The following GON4L variants were observed in gnomAD, a reference collection of about 807,000 sequenced individuals.
GON4L encodes GON-4-like protein.
A neutral mutation model predicts 211.8 loss-of-function variants in GON4L; 87 were observed. The observed-to-expected ratio is 0.41, with a 90% CI of 0.35 to 0.49. GON4L has a LOEUF of 0.49. Ranked by LOEUF, GON4L falls within the 20% of genes least tolerant of loss-of-function variation. GON4L has a pLI of 0.15. For synonymous variants in GON4L, 875 were observed against 962.6 expected (o/e 0.91, Z 1.68); for missense variants, 2,155 against 2,659.5 (o/e 0.81, Z 4.17).
rs146960270 is a variant in GON4L, at chr1:155,823,582, G to A, written c.698-1106C>T. Among the ~76,000 whole-genome samples, 71 of 152,174 alleles carry A rather than the reference G, an allele frequency of 4.7e-4. No homozygotes were observed. The East Asian group carries it at 0.011, about 24-fold the overall frequency. ...TAGAATATGCAATAAGAAAAATTACGTGTCCATTTTAAAAGCATTTGCCAA... is the reference window on the plus strand; with the variant it reads ...TAGAATATGCAATAAGAAAAATTACATGTCCATTTTAAAAGCATTTGCCAA... On this transcript the variant is annotated intron_variant, in intron 3 of 31. Transcript: ENST00000368331.
At position 155,750,455 on chromosome 1, in the gene GON4L, T is replaced by C. The variant is rs998943524; in HGVS notation, c.*129A>G. The C allele has an allele frequency of 3.9e-5, 25 of 636,538 alleles. No individual in the cohort carries two copies. The highest frequency in any genetic ancestry group is 4.9e-5 in the Non-Finnish European group (17 of 349,292). The allele number at this position is 636,538 out of a possible 1,614,324, so 39.4% of individuals were successfully genotyped here. ...CTACTCCATCCTCCAGCCTTTGTCC[T>C]TGTCCTGGCCTCCTGCTCTCCAGAT... On this transcript the variant is annotated 3_prime_UTR_variant, in exon 32 of 32. Transcript: ENST00000368331.
intron 1 of GON4L, among the ~76,000 whole-genome samples, chr1:155,855,553 G>A (rs978058073): frequency 1.3e-5 from 2 of 152,124 alleles, no homozygotes; most frequent in Non-Finnish European, 2.9e-5. Flanking sequence ...GATACTCAAT[G>A]TATCACTGAG....
intron 19 of GON4L, among the ~76,000 whole-genome samples, chr1:155,770,651 C>A (rs1380234497): frequency 6.6e-6 from 1 of 152,208 alleles, no homozygotes; most frequent in Non-Finnish European, 1.5e-5. Flanking sequence ...AGGTTCAAGA[C>A]CAGCCTGGCC....
chr1:155,798,254 C>T (rs1028614394), intron 11 of GON4L, among the ~76,000 whole-genome samples: 2 of 67,438 alleles, frequency 3.0e-5, no homozygotes, highest in Admixed American at 4.8e-4. Flanking sequence ...TATTAATTTG[C>T]ATTCTTTACA....
chr1:155,850,943 G>A (rs34032320), intron 2 of GON4L, among the ~76,000 whole-genome samples: 2 of 150,322 alleles, frequency 1.3e-5, no homozygotes, highest in African/African-American at 4.9e-5. Context: ...TGTAGTCCTA[G>A]CTACTTGGGA....
intron 20 of GON4L, chr1:155,767,182 T>C (rs1188861071): frequency 9.3e-6 from 9 of 967,756 alleles, no homozygotes; most frequent in South Asian, 5.3e-5. Context: ...ACATTCTAAT[T>C]ATACACTTTA....
chr1:155,783,026 A>T (rs1231861714), intron 14 of GON4L, among the ~76,000 whole-genome samples: 3 of 152,196 alleles, frequency 2.0e-5, no homozygotes. Flanking sequence ...TTATAGATCA[A>T]ATCCCATTAT....
At chr1:155,819,508 C>T (rs948293980) in intron 6 of GON4L, among the ~76,000 whole-genome samples, 3 of 151,844 alleles carry the variant, frequency 2.0e-5, no homozygotes, top group African/African-American at 7.3e-5. Flanking sequence ...TTCCTACCTC[C>T]ACCTCCCAAA....
At chr1:155,796,828 TAA>T (rs914115740) in intron 11 of GON4L, among the ~76,000 whole-genome samples, 1 of 145,634 alleles carries the variant, frequency 6.9e-6, no homozygotes, top group African/African-American at 2.5e-5. Context: ...GGAACTGATT[TAA>T]AAAAAAAAAG....
chr1:155,848,881 C>G (rs1041515531), intron 2 of GON4L, among the ~76,000 whole-genome samples: 1 of 152,240 alleles, frequency 6.6e-6, no homozygotes, highest in Non-Finnish European at 1.5e-5. Context: ...GGCGCGGTGG[C>G]TCACGCCTGT....
At chr1:155,781,603 C>T (rs1160899735) in intron 14 of GON4L, among the ~76,000 whole-genome samples, 1 of 152,000 alleles carries the variant, frequency 6.6e-6, no homozygotes, top group Non-Finnish European at 1.5e-5. Flanking sequence ...GCTGGGATTA[C>T]AGGCGAGTGC....
At chr1:155,802,458 C>A (rs1666766886) in intron 11 of GON4L, among the ~76,000 whole-genome samples, 1 of 152,150 alleles carries the variant, frequency 6.6e-6, no homozygotes, top group Admixed American at 6.5e-5. Context: ...TAGAGTATAT[C>A]ATGTCACTTC....
rs572063303 is a variant in GON4L at position 155,824,111 on chromosome 1, A to G, written c.698-1635T>C. Reference sequence around the variant, plus strand: ...CACTCACAGTAGCCCACAACTGAAAAGTATCCAAATGCTCATCAAGAATTG... The same window carrying G: ...CACTCACAGTAGCCCACAACTGAAAGGTATCCAAATGCTCATCAAGAATTG... On this transcript the variant is annotated intron_variant, in intron 3 of 31. Transcript: ENST00000368331. Among the ~76,000 whole-genome samples the G allele has an allele frequency of 7.2e-5, 11 of 152,176 alleles. No homozygotes were observed. The South Asian group carries it at 2.3e-3, about 32-fold the overall frequency.
intron 27 of GON4L, chr1:155,756,693 G>C (rs1045666122): frequency 4.1e-5 from 16 of 386,818 alleles, no homozygotes; most frequent in Non-Finnish European, 6.3e-5. Context: ...GGGAGGCCGA[G>C]GCGGGTGGAT....
At position 155,831,271 on chromosome 1, in the gene GON4L, C is replaced by G. The variant is rs189491440; in HGVS notation, c.506-4243G>C. ...CCGTAATTGCACTGCTGTACTCCAG[C>G]CTAGGTAACACGGTGGGACCCTGTC... On this transcript the variant is annotated intron_variant, in intron 2 of 31. Coordinates refer to ENST00000368331, the MANE Select transcript of GON4L (RefSeq NM_001282860.2). Among the ~76,000 whole-genome samples, 62 of 152,084 alleles carry G rather than the reference C, an allele frequency of 4.1e-4. 1 individual carries two copies. Among genetic ancestry groups the G allele is most frequent in the Admixed American group, 3.9e-3 (60 of 15,264 alleles).
intron 12 of GON4L, among the ~76,000 whole-genome samples, chr1:155,788,757 T>C (rs1224595096): frequency 6.6e-6 from 1 of 152,126 alleles, no homozygotes. Context: ...TATGATTCCA[T>C]TTATGTGAGG....
chr1:155,814,256 T>TA, intron 9 of GON4L, 74 bp downstream of exon 9: 1 of 1,357,424 alleles, frequency 7.4e-7, no homozygotes, highest in Non-Finnish European at 1.0e-6. Flanking sequence ...CATGGATAAA[T>TA]AATCTACTTA....
chr1:155,765,653 C>T lies in GON4L; in HGVS notation c.3820G>A (p.Ala1274Thr), dbSNP rs768379975. ...AATCCTTCTTGGCACTCTGCATCTGCTAGTGGAGGCCCTGGGCTATGTTCC... is the reference window on the plus strand; with the variant it reads ...AATCCTTCTTGGCACTCTGCATCTGTTAGTGGAGGCCCTGGGCTATGTTCC... The part of the protein sequence containing the change: ...KVEHSPGPPL[A>T]DAECQEGLSE... Residue 1274 changes from alanine to threonine, a missense_variant, in exon 21 of 32, where the codon GCA (alanine) becomes ACA (threonine). Coordinates refer to ENST00000368331, the MANE Select transcript of GON4L (RefSeq NM_001282860.2). 3 of 1,614,058 alleles carry T rather than the reference C, an allele frequency of 1.9e-6. No individual in the cohort carries two copies. Among genetic ancestry groups the T allele is most frequent in the African/African-American group, 2.7e-5 (2 of 74,914 alleles).
chr1:155,769,174 C>T (rs1218328074), intron 19 of GON4L, among the ~76,000 whole-genome samples: 1 of 151,994 alleles, frequency 6.6e-6, no homozygotes, highest in African/African-American at 2.4e-5. Flanking sequence ...CGGGGTTTCA[C>T]CATATTGCCC....
Sources: allele counts gnomAD v4.1 joint callset (sites outside exome capture counted in the v4.1 genomes callset), GRCh38; gene constraint gnomAD v4.1.1; transcripts MANE v1.5; gene names NCBI Gene and HGNC (gene_info 2026-07-23, HGNC 2026-07-21).